Variants in NRG1 observed in about 807,000 individuals in gnomAD.
NRG1 encodes the protein neuregulin 1, also known as pro-neuregulin-1, membrane-bound isoform.
A neutral mutation model predicts 63.8 loss-of-function variants in NRG1; 18 were observed. That is an observed-to-expected ratio of 0.28 (90% CI 0.19 to 0.42). NRG1 has a LOEUF of 0.42. Among genes scored for constraint, NRG1 ranks in the 10% least tolerant of loss-of-function variants. The pLI, the probability that NRG1 is intolerant of heterozygous loss-of-function variation, is 1.00. For synonymous variants in NRG1, 302 were observed against 301.3 expected (o/e 1.00, Z -0.02); for missense variants, 762 against 814.7 (o/e 0.94, Z 0.79).
chr8:32,404,478 C>T (rs1813677304), intron 1 of NRG1, among the ~76,000 whole-genome samples: 1 of 152,006 alleles, frequency 6.6e-6, no homozygotes, highest in South Asian at 2.1e-4. Flanking sequence ...ATGAGGGAAC[C>T]TGCTGCTGCT....
chr8:32,628,934 A>G (rs1384042594), intron 5 of NRG1, among the ~76,000 whole-genome samples: 1 of 152,012 alleles, frequency 6.6e-6, no homozygotes, highest in African/African-American at 2.4e-5. Context: ...GGGTTCCACC[A>G]TGTTGGCCAG....
chr8:32,514,534 A>G (rs1829588539), intron 1 of NRG1, among the ~76,000 whole-genome samples: 1 of 152,208 alleles, frequency 6.6e-6, no homozygotes, highest in Admixed American at 6.5e-5. Flanking sequence ...TAGGTTACAC[A>G]TTTTGGCAAA....
At chr8:32,040,834 A>T (rs1455051000) in intron 1 of NRG1, among the ~76,000 whole-genome samples, 1 of 143,412 alleles carries the variant, frequency 7.0e-6, no homozygotes, top group African/African-American at 2.6e-5. Flanking sequence ...TTTTTCAGAG[A>T]TGGATTATTT....
intron 1 of NRG1, among the ~76,000 whole-genome samples, chr8:31,667,373 A>C (rs567467966): frequency 6.6e-6 from 1 of 152,288 alleles, no homozygotes; most frequent in South Asian, 2.1e-4. Context: ...ATTTTAACAA[A>C]GTGTAGTGCT....
chr8:31,974,232 C>T (rs546584561), intron 1 of NRG1, among the ~76,000 whole-genome samples: 321 of 152,292 alleles, frequency 2.1e-3, no homozygotes, highest in Middle Eastern at 3.4e-3. Flanking sequence ...ATGATCCTAT[C>T]ATGGTTCATT....
chr8:32,155,076 G>A lies in NRG1; in HGVS notation c.38-440752G>A, dbSNP rs1372441754. Among the ~76,000 whole-genome samples the A allele has an allele frequency of 4.6e-5, 7 of 152,158 alleles. No homozygotes were observed. In the South Asian group the frequency reaches 1.2e-3, roughly 27 times the overall value. ...TGTTCCACAATACTTTTTGCTATCC[G>A]CTGATTTCAGAAAGGGTTCTTTTGG... On this transcript the variant is annotated intron_variant, in intron 1 of 10. Coordinates refer to the NRG1 transcript ENST00000519301.
intron 1 of NRG1, among the ~76,000 whole-genome samples, chr8:32,471,759 C>T (rs1273519029): frequency 6.6e-6 from 1 of 152,154 alleles, no homozygotes; most frequent in Non-Finnish European, 1.5e-5. Context: ...TTGAGTCAAC[C>T]TACCTTCTCA....
intron 1 of NRG1, among the ~76,000 whole-genome samples, chr8:31,897,581 T>C (rs1469228763): frequency 6.6e-6 from 1 of 152,102 alleles, no homozygotes; most frequent in African/African-American, 2.4e-5. Context: ...CAATCTATTC[T>C]CTCTGAAGCC....
intron 1 of NRG1, among the ~76,000 whole-genome samples, chr8:31,987,258 C>A (rs1349165257): frequency 6.7e-6 from 1 of 149,886 alleles, no homozygotes; most frequent in Non-Finnish European, 1.5e-5. Flanking sequence ...TGAGATCACG[C>A]CACTGCACTC....
intron 1 of NRG1, among the ~76,000 whole-genome samples, chr8:32,273,446 T>C (rs1179572742): frequency 1.3e-5 from 2 of 152,220 alleles, no homozygotes; most frequent in African/African-American, 2.4e-5. Flanking sequence ...TTCTTATTTG[T>C]TGTTACCATA....
chr8:31,964,137 T>A (rs1421711535), intron 1 of NRG1, among the ~76,000 whole-genome samples: 1 of 152,144 alleles, frequency 6.6e-6, no homozygotes, highest in African/African-American at 2.4e-5. Flanking sequence ...CCAGCCCACA[T>A]GGCCACAGGA....
At chr8:32,412,420 C>CATATATATATATATATATATATATATA (rs1815116027) in intron 1 of NRG1, among the ~76,000 whole-genome samples, 2 of 41,818 alleles carry the variant, frequency 4.8e-5, no homozygotes, top group Non-Finnish European at 1.1e-4. Context: ...CTCTCTCTCT[C>CATATATATATATATATATATATATATA]TACATATATA....
At chr8:32,131,031 A>T (rs1834744368) in intron 1 of NRG1, among the ~76,000 whole-genome samples, 1 of 151,974 alleles carries the variant, frequency 6.6e-6, no homozygotes, top group African/African-American at 2.4e-5. Context: ...AGTTGCTAAA[A>T]CTATAAATAA....
intron 1 of NRG1, among the ~76,000 whole-genome samples, chr8:32,244,294 G>T (rs1175033907): frequency 6.6e-6 from 1 of 152,156 alleles, no homozygotes; most frequent in East Asian, 1.9e-4. Context: ...AGGCTGAGAA[G>T]TGGTCTTTGC....
At chr8:32,745,099 A>G (rs564757357) in intron 7 of NRG1, among the ~76,000 whole-genome samples, 1 of 152,304 alleles carries the variant, frequency 6.6e-6, no homozygotes, top group South Asian at 2.1e-4. Flanking sequence ...TGTCTTACCG[A>G]GAGTTTTTTC....
intron 7 of NRG1, among the ~76,000 whole-genome samples, chr8:32,745,660 A>G (rs1440496082): frequency 7.4e-6 from 1 of 134,792 alleles, no homozygotes; most frequent in East Asian, 2.2e-4. Context: ...GTTCATCGAT[A>G]TGTGGTGTGT....
intron 1 of NRG1, among the ~76,000 whole-genome samples, chr8:32,294,282 T>C (rs756844849): frequency 6.6e-6 from 1 of 151,912 alleles, no homozygotes; most frequent in Non-Finnish European, 1.5e-5. Flanking sequence ...GTTGTATAAA[T>C]ATTCTAAACT....
At chr8:31,688,642 TA>T (rs1423454216) in intron 1 of NRG1, among the ~76,000 whole-genome samples, 1 of 152,214 alleles carries the variant, frequency 6.6e-6, no homozygotes, top group Non-Finnish European at 1.5e-5. Context: ...ACTATGATTA[TA>T]TTTTTATTTA....
intron 1 of NRG1, among the ~76,000 whole-genome samples, chr8:32,241,668 T>C (rs886148639): frequency 3.3e-5 from 5 of 152,176 alleles, no homozygotes; most frequent in African/African-American, 1.2e-4. Context: ...TTAGGGTTCA[T>C]TGTTACAGTT....
Sources: gnomAD v4.1 joint callset for allele counts (sites outside exome capture counted in the v4.1 genomes callset) on GRCh38, gnomAD v4.1.1 for gene constraint, MANE v1.5 for transcripts, NCBI Gene and HGNC (gene_info 2026-07-23, HGNC 2026-07-21) for gene names.